Variants in MICAL2 observed in about 807,000 individuals in gnomAD.
The protein encoded by MICAL2 is microtubule associated monooxygenase, calponin and LIM domain containing 2.
MICAL2 carries 77 observed loss-of-function variants against 127.3 expected under a neutral mutation model. That is an observed-to-expected ratio of 0.60 (90% CI 0.50 to 0.73). The LOEUF (loss-of-function observed/expected upper bound fraction) is 0.73, where lower values mean the gene tolerates loss of function less well. Among genes scored for constraint, MICAL2 ranks in the 30% least tolerant of loss-of-function variants. MICAL2 has a pLI of 0.00. For synonymous variants in MICAL2, 570 were observed against 551.1 expected (o/e 1.03, Z -0.48); for missense variants, 1,351 against 1,434.4 (o/e 0.94, Z 0.94).
At chr11:12,234,063 G>A (rs1181607128) in intron 15 of MICAL2, among the ~76,000 whole-genome samples, 1 of 152,130 alleles carries the variant, frequency 6.6e-6, no homozygotes. Flanking sequence ...GGTCAGAGGG[G>A]CTGAGGTTGT....
chr11:12,188,418 CTTTT>C (rs1414719547), intron 3 of MICAL2, among the ~76,000 whole-genome samples: 3 of 152,118 alleles, frequency 2.0e-5, no homozygotes, highest in Admixed American at 2.0e-4. Context: ...TATTTGAAGA[CTTTT>C]TTTTATTGTC....
At chr11:12,224,142 A>G (rs899500311) in intron 12 of MICAL2, among the ~76,000 whole-genome samples, 2 of 152,192 alleles carry the variant, frequency 1.3e-5, no homozygotes, top group Non-Finnish European at 2.9e-5. Context: ...ACGCAAACAT[A>G]GCAGGTTTTT....
rs1268526613 is a variant in MICAL2, at chr11:12,330,727, G to C, written c.5515+3461G>C. Among the ~76,000 whole-genome samples, 5 of 150,502 alleles carry C rather than the reference G, an allele frequency of 3.3e-5. No homozygotes were observed. The South Asian group carries it at 1.1e-3, about 32-fold the overall frequency. On this transcript the variant is annotated intron_variant, in intron 32 of 34. Coordinates refer to the MICAL2 transcript ENST00000646065. ...ATTTTGTCAAGGAAAGGGAAACAAA[G>C]GAAAACAAAAATCTAATAATCCACC...
chr11:12,271,571 T>G (rs1565289432), upstream of MICAL2, among the ~76,000 whole-genome samples: 1 of 152,078 alleles, frequency 6.6e-6, no homozygotes, highest in Non-Finnish European at 1.5e-5. Context: ...CTAATACCGT[T>G]CTCTTAGGGC....
chr11:12,170,169 G>A (rs1302439952), intron 3 of MICAL2, among the ~76,000 whole-genome samples: 1 of 152,120 alleles, frequency 6.6e-6, no homozygotes, highest in Admixed American at 6.5e-5. Context: ...GGTTTACTTT[G>A]TCAGTCCCCA....
chr11:12,180,352 T>A lies in MICAL2; in HGVS notation c.264+17933T>A, dbSNP rs887854727. Among the ~76,000 whole-genome samples the A allele has an allele frequency of 2.5e-3, 378 of 150,936 alleles. 1 individual carries two copies. Among genetic ancestry groups the A allele is most frequent in the African/African-American group, 3.6e-3 (150 of 41,184 alleles). On this transcript the variant is annotated intron_variant, in intron 3 of 27. Coordinates refer to ENST00000683283, the MANE Select transcript of MICAL2 (RefSeq NM_001282663.2). ...ATATACATGTATATATGTATATATT[T>A]TTTTTTTGGCAGGAAGGTTTCCCAT...
chr11:12,146,244 A>G (rs1034032699), intron 2 of MICAL2, among the ~76,000 whole-genome samples: 3 of 152,340 alleles, frequency 2.0e-5, no homozygotes, highest in Non-Finnish European at 4.4e-5. Context: ...GAGCTTCTGC[A>G]CAGCAAAAGA....
intron 22 of MICAL2, chr11:12,254,148 C>G (rs535068172): frequency 6.6e-6 from 1 of 152,338 alleles, no homozygotes; most frequent in East Asian, 1.9e-4. Flanking sequence ...CTTAGGAGCT[C>G]TGCCTCAGGA....
At position 12,200,518 on chromosome 11, in the gene MICAL2, A is replaced by G. The variant is rs945050595; in HGVS notation, c.265-3732A>G. Among the ~76,000 whole-genome samples, 3 of 152,282 alleles carry G rather than the reference A, an allele frequency of 2.0e-5. 1 individual carries two copies. In the South Asian group the frequency reaches 6.2e-4, roughly 32 times the overall value. The stretch of plus-strand genomic sequence containing the variant: ...AGAACACCGAGTTCCCATATTAATC[A>G]CAGCAAGTGCGTTCAGAGAAGACCT... On this transcript the variant is annotated intron_variant, in intron 3 of 27. Coordinates refer to ENST00000683283, the MANE Select transcript of MICAL2 (RefSeq NM_001282663.2).
chr11:12,151,557 A>G (rs1853578180), intron 2 of MICAL2, among the ~76,000 whole-genome samples: 1 of 152,216 alleles, frequency 6.6e-6, no homozygotes, highest in African/African-American at 2.4e-5. Context: ...TCACATATGT[A>G]AAGTCCAAAA....
At chr11:12,233,117 A>G (rs1414319129) in intron 15 of MICAL2, among the ~76,000 whole-genome samples, 1 of 152,226 alleles carries the variant, frequency 6.6e-6, no homozygotes, top group East Asian at 1.9e-4. Context: ...CTTGGAATGT[A>G]TCTGCCATGG....
downstream of MICAL2, among the ~76,000 whole-genome samples, chr11:12,291,126 G>T (rs1319960914): frequency 6.6e-6 from 1 of 152,168 alleles, no homozygotes; most frequent in Non-Finnish European, 1.5e-5. Flanking sequence ...GGAAGTTTCT[G>T]GGGGACATCC....
chr11:12,151,911 G>C (rs1853617582), intron 2 of MICAL2, among the ~76,000 whole-genome samples: 1 of 152,146 alleles, frequency 6.6e-6, no homozygotes, highest in Non-Finnish European at 1.5e-5. Context: ...AGCTTTCACT[G>C]GTGGATTGGA....
chr11:12,258,853 C>A (rs1031156088), intron 25 of MICAL2, among the ~76,000 whole-genome samples: 1 of 152,234 alleles, frequency 6.6e-6, no homozygotes, highest in African/African-American at 2.4e-5. Context: ...CTTAGCCACA[C>A]AAAAGCCACA....
chr11:12,144,147 G>A (rs1430896972), intron 2 of MICAL2, among the ~76,000 whole-genome samples: 1 of 152,192 alleles, frequency 6.6e-6, no homozygotes, highest in East Asian at 1.9e-4. Flanking sequence ...TCTTGGTCTT[G>A]TATCAACAGT....
chr11:12,164,513 C>T (rs927659774), intron 3 of MICAL2, among the ~76,000 whole-genome samples: 3 of 152,186 alleles, frequency 2.0e-5, no homozygotes, highest in Non-Finnish European at 4.4e-5. Flanking sequence ...AAGGTCCAGA[C>T]ACTTTAAGTC....
chr11:12,354,538 T>C (rs1454886045), intron 33 of MICAL2, among the ~76,000 whole-genome samples: 1 of 151,788 alleles, frequency 6.6e-6, no homozygotes, highest in Non-Finnish European at 1.5e-5. Flanking sequence ...CTTGGGAGGC[T>C]GAGGCAGAAG....
chr11:12,257,209 G>A, intron 24 of MICAL2: 1 of 454,848 alleles, frequency 2.2e-6, no homozygotes, highest in Non-Finnish European at 3.9e-6. Context: ...GTCCTGGTGG[G>A]CACCTGTGTG....
chr11:12,337,159 ACTT>A (rs1203329700), intron 32 of MICAL2, among the ~76,000 whole-genome samples: 6 of 152,098 alleles, frequency 3.9e-5, no homozygotes, highest in African/African-American at 1.4e-4. Context: ...CAGAGATTCA[ACTT>A]CTTCCTGGTT....
Sources: allele counts gnomAD v4.1 joint callset (sites outside exome capture counted in the v4.1 genomes callset), GRCh38; gene constraint gnomAD v4.1.1; transcripts MANE v1.5; gene names NCBI Gene and HGNC (gene_info 2026-07-23, HGNC 2026-07-21).